PSMA5: variants seen among roughly 807,000 people sequenced by gnomAD.
The protein encoded by PSMA5 is proteasome subunit alpha type-5.
PSMA5 carries 3 observed loss-of-function variants against 34.5 expected under a neutral mutation model. The ratio of observed to expected loss-of-function variants is 0.09; its 90% CI spans 0.04 to 0.22. The LOEUF is 0.22. PSMA5 is among the 10% of genes least tolerant of loss of function. PSMA5 has a pLI of 1.00. For synonymous variants in PSMA5, 88 were observed against 95.8 expected (o/e 0.92, Z 0.47); for missense variants, 120 against 286.1 (o/e 0.42, Z 4.19).
At chr1:109,413,290 C>T (rs1488955674) in intron 3 of PSMA5, among the ~76,000 whole-genome samples, 155 bp from the exon 4 acceptor site, 1 of 152,188 alleles carries the variant, frequency 6.6e-6, no homozygotes, top group Non-Finnish European at 1.5e-5. Flanking sequence ...AAATGATCTG[C>T]ACTGAACCCA....
At chr1:109,421,220 C>A (rs1172456745) in intron 2 of PSMA5, among the ~76,000 whole-genome samples, 1 of 151,870 alleles carries the variant, frequency 6.6e-6, no homozygotes, top group Non-Finnish European at 1.5e-5. Context: ...CTTATTTAGT[C>A]CCTAAGGTGA....
intron 3 of PSMA5, among the ~76,000 whole-genome samples, chr1:109,414,472 C>CTAT (rs1654116438): frequency 6.6e-6 from 1 of 152,212 alleles, no homozygotes; most frequent in Admixed American, 6.5e-5. Context: ...AAAACAAGGA[C>CTAT]TATGTCTTAT....
At chr1:109,415,993 T>C (rs1364822659) in intron 2 of PSMA5, among the ~76,000 whole-genome samples, 1 of 152,190 alleles carries the variant, frequency 6.6e-6, no homozygotes, top group African/African-American at 2.4e-5. Flanking sequence ...CTGGAATTCA[T>C]CTCTATCTCT....
chr1:109,404,605 C>T (rs2100952681), intron 8 of PSMA5, among the ~76,000 whole-genome samples: 1 of 152,238 alleles, frequency 6.6e-6, no homozygotes, highest in Non-Finnish European at 1.5e-5. Flanking sequence ...AGTTGCTCAT[C>T]ACTAGATAAG....
At chr1:109,406,804 T>G (rs1211404437) in intron 8 of PSMA5, among the ~76,000 whole-genome samples, 1 of 152,184 alleles carries the variant, frequency 6.6e-6, no homozygotes, top group Non-Finnish European at 1.5e-5. Flanking sequence ...ATATAATGAC[T>G]GGGGTGACAG....
At chr1:109,424,516 G>A (rs1477312003) in intron 1 of PSMA5, among the ~76,000 whole-genome samples, 3 of 151,878 alleles carry the variant, frequency 2.0e-5, no homozygotes, top group Admixed American at 6.6e-5. Context: ...GGTGGCTCTC[G>A]CCTGTAATCC....
chr1:109,417,974 A>G (rs1226668724), intron 2 of PSMA5, among the ~76,000 whole-genome samples: 4 of 152,156 alleles, frequency 2.6e-5, no homozygotes, highest in African/African-American at 9.7e-5. Context: ...CTATAATCAC[A>G]ACACTTTGGG....
chr1:109,423,100 C>T (rs547220471), intron 1 of PSMA5, among the ~76,000 whole-genome samples: 5 of 152,316 alleles, frequency 3.3e-5, no homozygotes, highest in East Asian at 3.9e-4. Context: ...GGTTGCAATC[C>T]GTGGTTTATG....
intron 8 of PSMA5, among the ~76,000 whole-genome samples, chr1:109,404,323 A>G (rs1653661093): frequency 6.6e-6 from 1 of 152,156 alleles, no homozygotes; most frequent in Non-Finnish European, 1.5e-5. Flanking sequence ...ATAAATAAAT[A>G]AATAAATAAA....
Position 109,401,990 on chromosome 1 carries a change from G to A in PSMA5, c.*23C>T, listed in dbSNP as rs1388354803. 3 of 1,546,030 alleles carry A rather than the reference G, an allele frequency of 1.9e-6. No individual in the cohort carries two copies. The highest frequency in any genetic ancestry group is 1.7e-5 in the Admixed American group (1 of 58,134). ...TTATTAGAACTGAAATTGTCCCAGA[G>A]AAGTTCTGAGGATCAGGATTCCTTA... On this transcript the variant is annotated 3_prime_UTR_variant, in exon 9 of 9. Transcript: ENST00000271308.
At chr1:109,417,021 C>T (rs1332057190) in intron 2 of PSMA5, among the ~76,000 whole-genome samples, 1 of 152,206 alleles carries the variant, frequency 6.6e-6, no homozygotes, top group Admixed American at 6.5e-5. Flanking sequence ...GGTAGGACTG[C>T]TTGAGCCCGG....
intron 2 of PSMA5, among the ~76,000 whole-genome samples, chr1:109,418,625 A>T (rs1329356026): frequency 6.6e-6 from 1 of 151,950 alleles, no homozygotes; most frequent in East Asian, 1.9e-4. Flanking sequence ...AATTTTTTAA[A>T]TTTTTTCTAG....
intron 2 of PSMA5, among the ~76,000 whole-genome samples, chr1:109,419,286 C>T (rs920518341): frequency 2.0e-5 from 3 of 152,184 alleles, no homozygotes; most frequent in African/African-American, 7.2e-5. Flanking sequence ...CTAGAATGAT[C>T]TCACAGAAAA....
chr1:109,410,289 C>T (rs1653939884), intron 7 of PSMA5, among the ~76,000 whole-genome samples: 1 of 152,170 alleles, frequency 6.6e-6, no homozygotes, highest in South Asian at 2.1e-4. Flanking sequence ...ATAGACTAGT[C>T]TTGTGTACAT....
In PSMA5 at chr1:109,401,139, GA is replaced by G. The variant is rs1462461965; in HGVS notation, c.*873del. The stretch of plus-strand genomic sequence containing the variant: ...ATCATATGATGGCAGCTCTAATGGG[GA>G]AAGTTCATCATTCATTCCAAAGTCT... On this transcript the variant is annotated 3_prime_UTR_variant, in exon 9 of 9. Coordinates refer to ENST00000271308, the MANE Select transcript of PSMA5 (RefSeq NM_002790.4). 1 of 152,176 alleles carries G rather than the reference GA, an allele frequency of 6.6e-6. No individual in the cohort carries two copies. The highest frequency in any genetic ancestry group is 1.9e-4 in the East Asian group (1 of 5,204). The allele number at this position is 152,176 out of a possible 1,614,324, so 9.4% of individuals were successfully genotyped here.
At position 109,402,099 on chromosome 1, in the gene PSMA5, A is replaced by G. The variant is rs932907580; in HGVS notation, c.649-9T>C. 6.2e-7 allele frequency: 1 copy of G among 1,606,952 alleles called. No individual in the cohort carries two copies. The highest frequency in any genetic ancestry group is 8.5e-7 in the Non-Finnish European group (1 of 1,174,722). The stretch of plus-strand genomic sequence containing the variant: ...GGCTGCACTGTGGCTAGCTGGAAAG[A>G]AAACAGAAGGGTTAATAAGCTGGGC... On this transcript the variant is annotated splice_polypyrimidine_tract_variant and intron_variant, in intron 8 of 8. Coordinates refer to ENST00000271308, the MANE Select transcript of PSMA5 (RefSeq NM_002790.4).
rs950424174 is a variant in PSMA5, at chr1:109,426,441, G to A, written c.-111C>T. The A allele has an allele frequency of 9.5e-6, 13 of 1,372,976 alleles. No homozygotes were observed. In the African/African-American group the frequency reaches 1.0e-4, roughly 11 times the overall value. The allele number at this position is 1,372,976 out of a possible 1,614,324, so 85.0% of individuals were successfully genotyped here. On this transcript the variant is annotated 5_prime_UTR_variant, in exon 1 of 9. Transcript: ENST00000271308. ...TCACCCACACGGCCGCAGTACTAAG[G>A]ACCAACTGCGCGTGCGACCGCGACC...
chr1:109,418,837 AG>A (rs1444691027), intron 2 of PSMA5, among the ~76,000 whole-genome samples: 1 of 152,232 alleles, frequency 6.6e-6, no homozygotes, highest in Non-Finnish European at 1.5e-5. Context: ...TAAGAAGAAA[AG>A]AAACAAAAGA....
intron 1 of PSMA5, among the ~76,000 whole-genome samples, chr1:109,424,325 C>T (rs947979840): frequency 1.3e-5 from 2 of 151,846 alleles, no homozygotes; most frequent in South Asian, 2.1e-4. Context: ...ACAAGGTCAG[C>T]GCCACCACAC....
Sources: allele counts gnomAD v4.1 joint callset (sites outside exome capture counted in the v4.1 genomes callset), GRCh38; gene constraint gnomAD v4.1.1; transcripts MANE v1.5; gene names NCBI Gene and HGNC (gene_info 2026-07-23, HGNC 2026-07-21).